The following LNX2 variants were observed in gnomAD, a reference collection of about 807,000 sequenced individuals.
LNX2 encodes ligand of Numb protein X 2.
Under a neutral mutation model 66.2 loss-of-function variants are expected in LNX2, and 35 were observed. That is an observed-to-expected ratio of 0.53 (90% CI 0.40 to 0.70). LNX2 has a LOEUF of 0.70. LNX2 is among the 30% of genes least tolerant of loss of function. LNX2 has a pLI of 0.00. For synonymous variants in LNX2, 337 were observed against 315.6 expected, an observed-to-expected ratio of 1.07 and a Z score of -0.72; for missense variants, 791 against 850.8, an observed-to-expected ratio of 0.93 and a Z score of 0.87.
At chr13:27,609,358 G>C (rs2138474895) in intron 1 of LNX2, among the ~76,000 whole-genome samples, 1 of 151,274 alleles carries the variant, frequency 6.6e-6, no homozygotes, top group Non-Finnish European at 1.5e-5. Context: ...TTCATTATAT[G>C]TTGGCCAGGC....
chr13:27,565,743 C>T lies in LNX2; in HGVS notation c.855+1897G>A, dbSNP rs549992511. Among the ~76,000 whole-genome samples the T allele has an allele frequency of 2.6e-5, 4 of 152,210 alleles. No individual in the cohort carries two copies. In the South Asian group the frequency reaches 8.3e-4, roughly 32 times the overall value. On this transcript the variant is annotated intron_variant, in intron 4 of 9. Coordinates refer to ENST00000316334, the MANE Select transcript of LNX2 (RefSeq NM_153371.4). The stretch of plus-strand genomic sequence containing the variant: ...GTTTGAAAGCTCAGTCTGTCTCAGC[C>T]ATGCCTAGGGGTAATGAAGGAAAGG...
intron 4 of LNX2, among the ~76,000 whole-genome samples, chr13:27,567,247 A>T (rs1445168600): frequency 1.3e-5 from 2 of 152,090 alleles, no homozygotes; most frequent in Non-Finnish European, 2.9e-5. Context: ...TAAATCCAAC[A>T]ATGAAGGTAA....
chr13:27,552,793 T>G (rs921422125), intron 8 of LNX2, among the ~76,000 whole-genome samples: 2 of 152,278 alleles, frequency 1.3e-5, no homozygotes, highest in African/African-American at 4.8e-5. Flanking sequence ...CCACCCTTTT[T>G]AGCGAGAGTT....
At chr13:27,599,525 C>T (rs9512760) in intron 1 of LNX2, among the ~76,000 whole-genome samples, 2 of 152,022 alleles carry the variant, frequency 1.3e-5, no homozygotes, top group Non-Finnish European at 2.9e-5. Context: ...TTACGATTCC[C>T]GTAAAAGAAA....
intron 4 of LNX2, 85 bp from the exon 5 acceptor site, chr13:27,562,866 A>G: frequency 7.1e-7 from 1 of 1,399,136 alleles, no homozygotes. Context: ...TTCCACAGGA[A>G]ACTAAGTATT....
intron 1 of LNX2, among the ~76,000 whole-genome samples, chr13:27,605,783 C>T (rs968829271): frequency 1.3e-5 from 2 of 152,154 alleles, no homozygotes; most frequent in African/African-American, 4.8e-5. Context: ...GCAGTTATTA[C>T]AATGATTAAT....
At chr13:27,575,520 C>T (rs1205534237) in intron 2 of LNX2, among the ~76,000 whole-genome samples, 1 of 152,106 alleles carries the variant, frequency 6.6e-6, no homozygotes, top group East Asian at 1.9e-4. Flanking sequence ...AAATTCATTC[C>T]TTATTTTCCT....
chr13:27,566,515 T>C (rs760310644), intron 4 of LNX2, among the ~76,000 whole-genome samples: 1 of 152,126 alleles, frequency 6.6e-6, no homozygotes, highest in African/African-American at 2.4e-5. Flanking sequence ...ACCCTGACTA[T>C]TAGATTAATC....
intron 1 of LNX2, among the ~76,000 whole-genome samples, chr13:27,616,646 T>C (rs1461900733): frequency 6.6e-6 from 1 of 152,218 alleles, no homozygotes; most frequent in Non-Finnish European, 1.5e-5. Flanking sequence ...ATCCCAGCTC[T>C]AGGAAGCACA....
At chr13:27,592,754 C>T (rs967872691) in intron 1 of LNX2, among the ~76,000 whole-genome samples, 4 of 151,844 alleles carry the variant, frequency 2.6e-5, no homozygotes, top group Admixed American at 6.6e-5. Flanking sequence ...TGTGATTGGA[C>T]GAAAATTAAG....
chr13:27,604,977 T>C (rs1566132629), intron 1 of LNX2, among the ~76,000 whole-genome samples: 3 of 151,788 alleles, frequency 2.0e-5, no homozygotes, highest in Non-Finnish European at 4.4e-5. Flanking sequence ...TAGGTAAATA[T>C]CTCACTAGAT....
intron 1 of LNX2, among the ~76,000 whole-genome samples, chr13:27,605,766 G>A (rs956005487): frequency 1.3e-5 from 2 of 152,128 alleles, no homozygotes; most frequent in Non-Finnish European, 1.5e-5. Context: ...GAGCAGTCAC[G>A]CAAATGGCAG....
chr13:27,598,404 G>A (rs943665191), intron 1 of LNX2, among the ~76,000 whole-genome samples: 4 of 152,116 alleles, frequency 2.6e-5, no homozygotes, highest in Admixed American at 6.6e-5. Context: ...GGATGAGACC[G>A]ATGTCACAAA....
chr13:27,589,980 C>T (rs190695851), intron 1 of LNX2, among the ~76,000 whole-genome samples: 1 of 152,264 alleles, frequency 6.6e-6, no homozygotes, highest in Admixed American at 6.5e-5. Context: ...GACGGAGTCT[C>T]GCTCTGTCAC....
chr13:27,553,623 A>T (rs1384029478), intron 7 of LNX2, among the ~76,000 whole-genome samples, 184 bp from the exon 8 acceptor site: 1 of 152,210 alleles, frequency 6.6e-6, no homozygotes, highest in Admixed American at 6.5e-5. Context: ...CCCAATACAC[A>T]GAAAACATTC....
At chr13:27,588,727 A>G (rs1955519350) in intron 1 of LNX2, among the ~76,000 whole-genome samples, 1 of 152,228 alleles carries the variant, frequency 6.6e-6, no homozygotes, top group Non-Finnish European at 1.5e-5. Context: ...TTAATTAAAA[A>G]ATTACTGAAG....
chr13:27,555,714 T>C (rs1384263105), intron 7 of LNX2, among the ~76,000 whole-genome samples: 1 of 152,204 alleles, frequency 6.6e-6, no homozygotes, highest in Admixed American at 6.5e-5. Flanking sequence ...GTCACTTTTC[T>C]TACCTTATAT....
chr13:27,581,761 TAACA>T lies in LNX2; in HGVS notation c.-62_-59del. The T allele has an allele frequency of 7.0e-7, 1 of 1,435,968 alleles. No individual in the cohort carries two copies. The highest frequency in any genetic ancestry group is 9.4e-7 in the Non-Finnish European group (1 of 1,059,282). The allele number at this position is 1,435,968 out of a possible 1,614,324, so 89.0% of individuals were successfully genotyped here. On this transcript the variant is annotated 5_prime_UTR_variant, in exon 2 of 10. Coordinates refer to ENST00000316334, the MANE Select transcript of LNX2 (RefSeq NM_153371.4). ...CTTCCACTTCACGCTTGGTTTCCTT[TAACA>T]GACAGTGATGTATCTGACTAAAGTC...
chr13:27,558,896 T>C (rs993791189), intron 6 of LNX2, among the ~76,000 whole-genome samples: 1 of 152,146 alleles, frequency 6.6e-6, no homozygotes, highest in Non-Finnish European at 1.5e-5. Context: ...TTTCTTAGGG[T>C]ACCAGAGACA....
Sources: allele counts gnomAD v4.1 joint callset (sites outside exome capture counted in the v4.1 genomes callset), GRCh38; gene constraint gnomAD v4.1.1; transcripts MANE v1.5; gene names NCBI Gene and HGNC (gene_info 2026-07-23, HGNC 2026-07-21).